PIP5K1B: variants seen among roughly 807,000 people sequenced by gnomAD.
PIP5K1B encodes phosphatidylinositol-4-phosphate 5-kinase type 1 beta.
A neutral mutation model predicts 67.0 loss-of-function variants in PIP5K1B; 42 were observed. That is an observed-to-expected ratio of 0.63 (90% CI 0.49 to 0.81). The LOEUF is 0.81. PIP5K1B is among the 30% of genes least tolerant of loss of function. PIP5K1B has a pLI of 0.00. For missense variants in PIP5K1B, 459 were observed against 646.3 expected, an observed-to-expected ratio of 0.71 and a Z score of 3.14; for synonymous variants, 214 against 231.4, an observed-to-expected ratio of 0.92 and a Z score of 0.68.
At chr9:68,944,642 G>T (rs771754030) in intron 14 of PIP5K1B, among the ~76,000 whole-genome samples, 2 of 152,130 alleles carry the variant, frequency 1.3e-5, no homozygotes, top group South Asian at 2.1e-4. Flanking sequence ...ATTGGCAAAG[G>T]CTCCCTAAAT....
chr9:68,883,825 AACACAC>A (rs59872442), intron 6 of PIP5K1B, among the ~76,000 whole-genome samples: 5 of 149,316 alleles, frequency 3.3e-5, no homozygotes, highest in African/African-American at 4.9e-5. Context: ...CCCAGAAATA[AACACAC>A]ACACACACAC....
intron 14 of PIP5K1B, among the ~76,000 whole-genome samples, chr9:68,970,137 T>C (rs773628802): frequency 2.6e-5 from 4 of 152,236 alleles, no homozygotes; most frequent in Non-Finnish European, 5.9e-5. Context: ...TCCTCAACTC[T>C]GAATCCAGTG....
At chr9:68,858,366 T>C (rs1023370218) in intron 4 of PIP5K1B, among the ~76,000 whole-genome samples, 2 of 152,152 alleles carry the variant, frequency 1.3e-5, no homozygotes, top group African/African-American at 2.4e-5. Flanking sequence ...AGAATTAGAC[T>C]CTCAAAATCT....
chr9:68,951,825 C>T (rs1330407897), intron 14 of PIP5K1B, among the ~76,000 whole-genome samples: 1 of 152,218 alleles, frequency 6.6e-6, no homozygotes, highest in Non-Finnish European at 1.5e-5. Flanking sequence ...CCTCCCCCTA[C>T]GTCTTCATGT....
chr9:68,883,045 T>C (rs960959087), intron 6 of PIP5K1B, among the ~76,000 whole-genome samples: 16 of 152,200 alleles, frequency 1.1e-4, no homozygotes, highest in African/African-American at 3.9e-4. Context: ...ACAACAGCAA[T>C]ACATGGTCAC....
intron 14 of PIP5K1B, among the ~76,000 whole-genome samples, chr9:68,956,399 G>A (rs551236714): frequency 5.9e-5 from 9 of 152,332 alleles, no homozygotes; most frequent in African/African-American, 2.2e-4. Context: ...GAACCCCGGA[G>A]GCAGAGGTTG....
chr9:68,906,874 TCC>T (rs1395486969), intron 8 of PIP5K1B, among the ~76,000 whole-genome samples: 1 of 152,214 alleles, frequency 6.6e-6, no homozygotes, highest in African/African-American at 2.4e-5. Context: ...ACAGAGATTC[TCC>T]ATCCTCTGAT....
At chr9:68,914,587 C>A (rs1470191372) in intron 8 of PIP5K1B, among the ~76,000 whole-genome samples, 2 of 151,954 alleles carry the variant, frequency 1.3e-5, no homozygotes, top group Non-Finnish European at 2.9e-5. Flanking sequence ...TGGTGGCAGG[C>A]GCCTGTAGTC....
intron 4 of PIP5K1B, among the ~76,000 whole-genome samples, chr9:68,857,702 C>T (rs1400194241): frequency 1.3e-5 from 2 of 152,010 alleles, no homozygotes; most frequent in Admixed American, 1.3e-4. Context: ...CCTATCCCAA[C>T]AAAAAATTGA....
At chr9:68,811,496 G>A (rs535948265) in intron 2 of PIP5K1B, among the ~76,000 whole-genome samples, 1 of 152,088 alleles carries the variant, frequency 6.6e-6, no homozygotes, top group African/African-American at 2.4e-5. Flanking sequence ...TGTGTCTTAG[G>A]TGGCATCTCC....
At chr9:68,944,543 T>G (rs1827711316) in intron 14 of PIP5K1B, among the ~76,000 whole-genome samples, 1 of 152,190 alleles carries the variant, frequency 6.6e-6, no homozygotes. Flanking sequence ...TTTCTAACAG[T>G]TGGGCTCACC....
chr9:68,862,226 A>G (rs1020914580), intron 4 of PIP5K1B, among the ~76,000 whole-genome samples: 1 of 152,200 alleles, frequency 6.6e-6, no homozygotes, highest in Non-Finnish European at 1.5e-5. Context: ...GCCTTGGGAA[A>G]TGAAGCCAGT....
At chr9:68,826,526 A>G (rs2184115) in intron 4 of PIP5K1B, among the ~76,000 whole-genome samples, 119,303 of 151,636 alleles carry the variant, frequency 0.79, 46,965 homozygotes, top group Admixed American at 0.85. Context: ...GTTTGCCTGC[A>G]GGCCCTATCT....
At chr9:68,732,903 T>G (rs1828513530) in intron 1 of PIP5K1B, among the ~76,000 whole-genome samples, 2 of 105,876 alleles carry the variant, frequency 1.9e-5, no homozygotes, top group Non-Finnish European at 3.6e-5. Context: ...TTGCTGGTGA[T>G]GTGGAGGTGG....
intron 14 of PIP5K1B, among the ~76,000 whole-genome samples, chr9:68,956,012 G>C (rs1828370087): frequency 6.6e-6 from 1 of 152,152 alleles, no homozygotes; most frequent in East Asian, 1.9e-4. Context: ...CAGGCTCATA[G>C]AAAAATCAAT....
At chr9:68,716,512 CA>C (rs1234054907) in intron 1 of PIP5K1B, among the ~76,000 whole-genome samples, 1 of 152,124 alleles carries the variant, frequency 6.6e-6, no homozygotes, top group African/African-American at 2.4e-5. Flanking sequence ...CAGAGAAGTG[CA>C]AATCAAAACC....
chr9:68,792,702 A>G (rs1832049872), intron 2 of PIP5K1B, among the ~76,000 whole-genome samples: 4 of 152,088 alleles, frequency 2.6e-5, no homozygotes, highest in Non-Finnish European at 1.5e-5. Flanking sequence ...GATGGTCTCG[A>G]TCTCCTGACC....
intron 2 of PIP5K1B, chr9:68,788,333 C>T (rs1831749201): frequency 3.3e-6 from 3 of 900,646 alleles, no homozygotes; most frequent in Non-Finnish European, 5.2e-6. Flanking sequence ...AACTTTCTAG[C>T]TTTGGTCATG....
At chr9:68,747,648 G>A (rs1225504545) in intron 2 of PIP5K1B, among the ~76,000 whole-genome samples, 1 of 152,044 alleles carries the variant, frequency 6.6e-6, no homozygotes. Flanking sequence ...TTTACAGCAA[G>A]TACTTATTAC....
Sources: allele counts gnomAD v4.1 joint callset (sites outside exome capture counted in the v4.1 genomes callset), GRCh38; gene constraint gnomAD v4.1.1; transcripts MANE v1.5; gene names NCBI Gene and HGNC (gene_info 2026-07-23, HGNC 2026-07-21).